AFF3: variants seen among roughly 807,000 people sequenced by gnomAD.
The protein encoded by AFF3 is ALF transcription elongation factor 3.
Under a neutral mutation model 129.7 loss-of-function variants are expected in AFF3, and 32 were observed. That is an observed-to-expected ratio of 0.25 (90% CI 0.19 to 0.33). The LOEUF (loss-of-function observed/expected upper bound fraction) is 0.33, where lower values mean the gene tolerates loss of function less well. Among genes scored for constraint, AFF3 ranks in the 10% least tolerant of loss-of-function variants. The pLI is 1.00. For synonymous variants in AFF3, 644 were observed against 635.4 expected, an observed-to-expected ratio of 1.01 and a Z score of -0.20; for missense variants, 1,373 against 1,592.0, an observed-to-expected ratio of 0.86 and a Z score of 2.34.
At chr2:99,869,746 A>G (rs1434028455) in intron 7 of AFF3, among the ~76,000 whole-genome samples, 1 of 152,118 alleles carries the variant, frequency 6.6e-6, no homozygotes, top group African/African-American at 2.4e-5. Flanking sequence ...ATAACTACAA[A>G]ACCTTGTTCC....
chr2:100,119,728 C>T (rs556432756), intron 2 of AFF3, among the ~76,000 whole-genome samples: 15 of 152,264 alleles, frequency 9.9e-5, no homozygotes, highest in Admixed American at 9.1e-4. Context: ...TTACAGGGGA[C>T]AAACTATTTA....
At chr2:100,063,936 A>G (rs1273246406) in intron 4 of AFF3, among the ~76,000 whole-genome samples, 2 of 151,966 alleles carry the variant, frequency 1.3e-5, no homozygotes, top group African/African-American at 4.8e-5. Flanking sequence ...CTAAAAATAC[A>G]AACTTAGCCG....
At chr2:99,963,656 T>C (rs906729977) in intron 7 of AFF3, among the ~76,000 whole-genome samples, 4 of 150,750 alleles carry the variant, frequency 2.7e-5, no homozygotes, top group African/African-American at 9.7e-5. Context: ...CAAAAATCAC[T>C]GAAAACAAAT....
At chr2:99,670,497 T>C (rs1687055149) in intron 12 of AFF3, among the ~76,000 whole-genome samples, 2 of 151,474 alleles carry the variant, frequency 1.3e-5, no homozygotes, top group African/African-American at 4.9e-5. Flanking sequence ...TGTTAAATGT[T>C]CAATTATCTC....
chr2:99,908,514 G>T (rs111577682), intron 7 of AFF3, among the ~76,000 whole-genome samples: 1,830 of 152,188 alleles, frequency 0.012, 42 homozygotes, highest in African/African-American at 0.042. Flanking sequence ...CACAGCAAAA[G>T]AAACCACCAT....
intron 18 of AFF3, among the ~76,000 whole-genome samples, chr2:99,572,909 T>C (rs1422304293): frequency 2.0e-5 from 3 of 152,100 alleles, no homozygotes; most frequent in African/African-American, 4.8e-5. Flanking sequence ...TTCCACAACT[T>C]TGATGTCGGC....
intron 12 of AFF3, among the ~76,000 whole-genome samples, chr2:99,665,756 G>C (rs1368558956): frequency 6.6e-6 from 1 of 152,208 alleles, no homozygotes; most frequent in Non-Finnish European, 1.5e-5. Context: ...AACATGGAAA[G>C]TTTCCAACAT....
chr2:99,588,503 G>T (rs922307540), intron 15 of AFF3, among the ~76,000 whole-genome samples: 3 of 152,164 alleles, frequency 2.0e-5, no homozygotes, highest in African/African-American at 7.2e-5. Context: ...TATGTGTTAA[G>T]GTGCAACACA....
At chr2:99,712,930 T>C (rs62156496) in intron 11 of AFF3, among the ~76,000 whole-genome samples, 3,590 of 152,342 alleles carry the variant, frequency 0.024, 55 homozygotes, top group Non-Finnish European at 0.03. Flanking sequence ...TTCTGACACA[T>C]GCTGCAACAT....
rs201381986 is a variant in AFF3, at chr2:99,867,574, AT to A, written c.874-30051del. Among the ~76,000 whole-genome samples, 31 of 68,244 alleles carry A rather than the reference AT, an allele frequency of 4.5e-4. 1 individual carries two copies. Among genetic ancestry groups the A allele is most frequent in the Non-Finnish European group, 7.4e-4 (26 of 35,364 alleles). The allele number at this position is 68,244 out of a possible 152,430, so 44.8% of individuals were successfully genotyped here. Reference sequence around the variant, plus strand: ...GTCTCCCCAAGGCCTATATTTCTATATTAAAAAAAAAAAAAAAAACATAGCT... The same window carrying A: ...GTCTCCCCAAGGCCTATATTTCTATATAAAAAAAAAAAAAAAAACATAGCT... On this transcript the variant is annotated intron_variant, in intron 7 of 24. Transcript: ENST00000672756.
intron 7 of AFF3, among the ~76,000 whole-genome samples, chr2:99,928,017 C>T (rs1277868781): frequency 6.6e-6 from 1 of 151,392 alleles, no homozygotes; most frequent in Non-Finnish European, 1.5e-5. Context: ...CCTACACAAG[C>T]TCTCTCTCTG....
intron 13 of AFF3, among the ~76,000 whole-genome samples, chr2:99,621,351 A>T (rs998123847): frequency 1.3e-5 from 2 of 152,178 alleles, no homozygotes; most frequent in Non-Finnish European, 2.9e-5. Flanking sequence ...TACCTCTAGG[A>T]GTCTAGATAA....
intron 8 of AFF3, among the ~76,000 whole-genome samples, chr2:99,795,669 C>T (rs1172682044): frequency 9.2e-5 from 14 of 151,876 alleles, no homozygotes; most frequent in Admixed American, 3.3e-4. Flanking sequence ...CTCCTCATTT[C>T]CCTCCCACCT....
intron 2 of AFF3, among the ~76,000 whole-genome samples, chr2:100,122,031 C>T (rs184111728): frequency 2.0e-5 from 3 of 152,076 alleles, no homozygotes; most frequent in East Asian, 3.9e-4. Flanking sequence ...CACTGCAGTC[C>T]GCAGTCCGGC....
intron 7 of AFF3, among the ~76,000 whole-genome samples, chr2:99,933,948 G>A (rs147501068): frequency 2.6e-5 from 4 of 152,250 alleles, no homozygotes; most frequent in African/African-American, 9.6e-5. Flanking sequence ...TGAGCACCAC[G>A]ACCATCCCTG....
chr2:100,032,223 C>A (rs192389872), intron 4 of AFF3, among the ~76,000 whole-genome samples: 1 of 152,174 alleles, frequency 6.6e-6, no homozygotes, highest in Non-Finnish European at 1.5e-5. Context: ...GTCAGGAGAT[C>A]AAGACCATCC....
intron 8 of AFF3, among the ~76,000 whole-genome samples, chr2:99,800,884 T>C (rs1324985610): frequency 1.3e-5 from 2 of 152,070 alleles, no homozygotes; most frequent in Non-Finnish European, 2.9e-5. Context: ...GACTCACCCA[T>C]AGTGACAGAA....
At chr2:99,586,128 G>C (rs1012258286) in intron 16 of AFF3, among the ~76,000 whole-genome samples, 2 of 152,206 alleles carry the variant, frequency 1.3e-5, no homozygotes, top group Admixed American at 1.3e-4. Flanking sequence ...CAGCTAGAAA[G>C]GTTATTTAGT....
intron 7 of AFF3, among the ~76,000 whole-genome samples, chr2:99,883,997 A>C (rs1692917759): frequency 1.3e-5 from 2 of 152,182 alleles, no homozygotes; most frequent in African/African-American, 4.8e-5. Context: ...TAACAGGTCA[A>C]ATGAAGAGAG....
Sources: allele counts gnomAD v4.1 joint callset (sites outside exome capture counted in the v4.1 genomes callset), GRCh38; gene constraint gnomAD v4.1.1; transcripts MANE v1.5; gene names NCBI Gene and HGNC (gene_info 2026-07-23, HGNC 2026-07-21).